The following QPCT variants were observed in gnomAD, a reference collection of about 807,000 sequenced individuals.
The protein encoded by QPCT is glutaminyl-peptide cyclotransferase.
A neutral mutation model predicts 43.4 loss-of-function variants in QPCT; 44 were observed. That is an observed-to-expected ratio of 1.01 (90% CI 0.80 to 1.30). The LOEUF is 1.30. QPCT is among the 50% of genes most tolerant of loss of function. The pLI, the probability that QPCT is intolerant of heterozygous loss-of-function variation, is 0.00. For synonymous variants in QPCT, 168 were observed against 168.4 expected (o/e 1.00, Z 0.02); for missense variants, 526 against 436.5 (o/e 1.21, Z -1.83).
At chr2:37,350,417 A>C (rs976097870) in intron 1 of QPCT, among the ~76,000 whole-genome samples, 1 of 152,222 alleles carries the variant, frequency 6.6e-6, no homozygotes, top group Admixed American at 6.5e-5. Flanking sequence ...GGGAGCTGGC[A>C]TGAGGACTTA....
At position 37,373,017 on chromosome 2, in the gene QPCT, C is replaced by A; in HGVS notation, c.*190C>A. On this transcript the variant is annotated 3_prime_UTR_variant, in exon 7 of 7. Coordinates refer to ENST00000338415, the MANE Select transcript of QPCT (RefSeq NM_012413.4). Reference sequence around the variant, plus strand: ...TGTTGTGATATTGTGTCCTAAATTGCTCATTAATTTTTATTTACAGATTGA... The same window carrying A: ...TGTTGTGATATTGTGTCCTAAATTGATCATTAATTTTTATTTACAGATTGA... The A allele has an allele frequency of 2.3e-6, 1 of 443,262 alleles. No homozygotes were observed. The highest frequency in any genetic ancestry group is 3.8e-6 in the Non-Finnish European group (1 of 262,652). 27.5% of individuals were successfully genotyped at this position (443,262 alleles called of 1,614,324 possible).
chr2:37,358,752 G>A (rs1467883227), intron 2 of QPCT: 1 of 152,238 alleles, frequency 6.6e-6, no homozygotes, highest in African/African-American at 2.4e-5. Flanking sequence ...GTCTCAACCT[G>A]CCTTGGGTGC....
At chr2:37,368,822 AT>A (rs1377470222) in intron 4 of QPCT, among the ~76,000 whole-genome samples, 1 of 152,226 alleles carries the variant, frequency 6.6e-6, no homozygotes, top group Non-Finnish European at 1.5e-5. Context: ...TGATAAATAA[AT>A]TTGTTGAATG....
At position 37,359,604 on chromosome 2, in the gene QPCT, C is replaced by T. The variant is rs769494738; in HGVS notation, c.292C>T (p.Leu98Phe). The change falls in exon 3 of 7, where the codon CTT becomes TTT. Residue 98 changes from leucine (L) to phenylalanine (F), a missense_variant. By Grantham distance (22) the Leu-to-Phe change is conservative. Coordinates refer to ENST00000338415, the MANE Select transcript of QPCT (RefSeq NM_012413.4). ...RQHIMQRIQR[L>F]QADWVLEIDT... Reference sequence around the variant, plus strand: ...GCACATCATGCAGCGAATTCAGAGGCTTCAGGCTGACTGGGTCTTGGAAAT... The same window carrying T: ...GCACATCATGCAGCGAATTCAGAGGTTTCAGGCTGACTGGGTCTTGGAAAT... The T allele has an allele frequency of 1.5e-5, 24 of 1,613,994 alleles. No homozygotes were observed. The South Asian group carries it at 2.5e-4, about 17-fold the overall frequency.
At chr2:37,367,444 A>G (rs769516081) in intron 4 of QPCT, 36 bp downstream of exon 4, 23 of 1,585,686 alleles carry the variant, frequency 1.5e-5, no homozygotes, top group Non-Finnish European at 1.7e-5. Flanking sequence ...CTGTAGCTGT[A>G]GGCTCCGCTT....
intron 2 of QPCT, among the ~76,000 whole-genome samples, chr2:37,356,985 G>C (rs758384616): frequency 6.8e-6 from 1 of 146,806 alleles, no homozygotes; most frequent in African/African-American, 2.6e-5. Flanking sequence ...CCAGCCTGGC[G>C]ACAGAGTGAG....
At chr2:37,345,280 C>A (rs897939373) in intron 1 of QPCT, among the ~76,000 whole-genome samples, 26 of 149,138 alleles carry the variant, frequency 1.7e-4, no homozygotes, top group Non-Finnish European at 3.0e-4. Context: ...ACAGCCCCCC[C>A]GCTGCTTCAT....
At chr2:37,366,648 T>A (rs1672968379) in intron 3 of QPCT, among the ~76,000 whole-genome samples, 4 of 152,194 alleles carry the variant, frequency 2.6e-5, no homozygotes, top group Non-Finnish European at 5.9e-5. Context: ...GGTCACTTAT[T>A]AGGGAGTGGC....
At chr2:37,357,135 G>A (rs1672768548) in intron 2 of QPCT, among the ~76,000 whole-genome samples, 1 of 152,160 alleles carries the variant, frequency 6.6e-6, no homozygotes, top group African/African-American at 2.4e-5. Flanking sequence ...TGAGAAATAA[G>A]TTTGTGTGTG....
chr2:37,354,244 C>G lies in QPCT; in HGVS notation c.267+1309C>G, dbSNP rs1247066090. ...TCCATATGTCTGTGTCCCCATTAGC[C>G]TTTTGTCTTCCATCTGAATAGCTCT... On this transcript the variant is annotated intron_variant, in intron 2 of 6. Coordinates refer to ENST00000338415, the MANE Select transcript of QPCT (RefSeq NM_012413.4). Among the ~76,000 whole-genome samples, 3 of 152,320 alleles carry G rather than the reference C, an allele frequency of 2.0e-5. No individual in the cohort carries two copies. In the East Asian group the frequency reaches 5.8e-4, roughly 29 times the overall value.
At chr2:37,356,996 A>G (rs1572731893) in intron 2 of QPCT, among the ~76,000 whole-genome samples, 1 of 141,864 alleles carries the variant, frequency 7.0e-6, no homozygotes, top group African/African-American at 2.8e-5. Flanking sequence ...ACAGAGTGAG[A>G]CTCCGTCTCA....
chr2:37,345,819 C>G (rs182503098), intron 1 of QPCT, among the ~76,000 whole-genome samples: 1 of 129,064 alleles, frequency 7.7e-6, no homozygotes, highest in Non-Finnish European at 1.6e-5. Context: ...CTGGGCGACA[C>G]AGCGAGACTC....
intron 4 of QPCT, among the ~76,000 whole-genome samples, chr2:37,369,226 A>C (rs1421452033): frequency 6.6e-6 from 1 of 152,144 alleles, no homozygotes; most frequent in Non-Finnish European, 1.5e-5. Flanking sequence ...TGTACAAGGA[A>C]TTTTTCTTAG....
intron 2 of QPCT, among the ~76,000 whole-genome samples, chr2:37,356,933 G>A (rs1672760696): frequency 6.6e-6 from 1 of 151,982 alleles, no homozygotes; most frequent in South Asian, 2.1e-4. Flanking sequence ...CTTGAACCAG[G>A]GAGTTGGAGG....
At chr2:37,346,328 G>C (rs1187397787) in intron 1 of QPCT, among the ~76,000 whole-genome samples, 1 of 152,148 alleles carries the variant, frequency 6.6e-6, no homozygotes, top group Non-Finnish European at 1.5e-5. Context: ...GAAGAAGAAC[G>C]TGGAATGACA....
chr2:37,345,576 C>A (rs1301199133), intron 1 of QPCT, among the ~76,000 whole-genome samples: 1 of 152,168 alleles, frequency 6.6e-6, no homozygotes, highest in African/African-American at 2.4e-5. Context: ...TGGCTCACGC[C>A]TGTAATCCCA....
At chr2:37,348,022 T>C (rs1422495702) in intron 1 of QPCT, among the ~76,000 whole-genome samples, 1 of 122,980 alleles carries the variant, frequency 8.1e-6, no homozygotes, top group African/African-American at 3.3e-5. Flanking sequence ...TTAACCATTT[T>C]GGTGTTTTTA....
At chr2:37,347,218 C>CATATATATAT (rs74206514) in intron 1 of QPCT, among the ~76,000 whole-genome samples, 4 of 62,374 alleles carry the variant, frequency 6.4e-5, no homozygotes, top group Non-Finnish European at 8.3e-5. Flanking sequence ...ATATATATAA[C>CATATATATAT]ATATATATAT....
Position 37,372,720 on chromosome 2 carries a change from G to A in QPCT, c.979G>A (p.Glu327Lys), listed in dbSNP as rs34476437. The change falls in exon 7 of 7, where the codon GAA becomes AAA. Residue 327 changes from glutamate (E) to lysine (K), a missense_variant. Coordinates refer to ENST00000338415, the MANE Select transcript of QPCT (RefSeq NM_012413.4). Reference protein sequence around the residue: ...VLHLIPSPFPEVWHTMDDNEE... With the variant: ...VLHLIPSPFPKVWHTMDDNEE... ...GCATCTGATACCGTCTCCTTTCCCT[G>A]AAGTCTGGCACACCATGGATGACAA... The A allele has an allele frequency of 2.3e-4, 376 of 1,613,674 alleles. 3 individuals are homozygous for A. In the East Asian group the frequency reaches 6.0e-3, roughly 26 times the overall value.
Sources: gnomAD v4.1 joint callset for allele counts (sites outside exome capture counted in the v4.1 genomes callset) on GRCh38, gnomAD v4.1.1 for gene constraint, MANE v1.5 for transcripts, NCBI Gene and HGNC (gene_info 2026-07-23, HGNC 2026-07-21) for gene names.